Variants in CLK3 observed in about 807,000 individuals in gnomAD.
CLK3 encodes the protein CDC like kinase 3.
In CLK3, 24 loss-of-function variants were observed where a neutral mutation model predicts 65.2. The ratio of observed to expected loss-of-function variants is 0.37; its 90% CI spans 0.27 to 0.52. The LOEUF (loss-of-function observed/expected upper bound fraction) is 0.52, where lower values mean the gene tolerates loss of function less well. Ranked by LOEUF, CLK3 falls within the 20% of genes least tolerant of loss-of-function variation. CLK3 has a pLI of 0.92. For missense variants in CLK3, 506 were observed against 660.0 expected (o/e 0.77, Z 2.56); for synonymous variants, 252 against 240.8 (o/e 1.05, Z -0.43).
upstream of CLK3, chr15:74,615,205 G>GAAGCC: frequency 2.5e-6 from 1 of 393,664 alleles, no homozygotes; most frequent in Non-Finnish European, 4.5e-6. Context: ...CACAGGAGGG[G>GAAGCC]GCTCAAGGAG....
upstream of CLK3, among the ~76,000 whole-genome samples, chr15:74,613,831 C>A (rs982538412): frequency 4.6e-5 from 7 of 152,130 alleles, no homozygotes; most frequent in Non-Finnish European, 1.0e-4. Context: ...TCCTACTCCA[C>A]CTCATCTGAG....
Position 74,628,057 on chromosome 15 carries a change from A to G in CLK3, c.1125+5A>G, listed in dbSNP as rs1344432302. The stretch of plus-strand genomic sequence containing the variant: ...CGGGGCTTCACACTCTTCCAGGTAC[A>G]GCCACCCTGCATTGGTCCCCTACCC... On this transcript the variant is annotated splice_donor_5th_base_variant and intron_variant, in intron 10 of 12. Coordinates refer to ENST00000395066, the MANE Select transcript of CLK3 (RefSeq NM_001130028.2). The G allele has an allele frequency of 6.2e-7, 1 of 1,601,930 alleles. No individual in the cohort carries two copies. The highest frequency in any genetic ancestry group is 1.1e-5 in the South Asian group (1 of 90,836).
At chr15:74,619,630 T>G (rs2062085697) in intron 2 of CLK3, among the ~76,000 whole-genome samples, 1 of 152,210 alleles carries the variant, frequency 6.6e-6, no homozygotes, top group African/African-American at 2.4e-5. Context: ...TCCTAAGCCT[T>G]CCTTGGTGAG....
In CLK3 at chr15:74,615,908, G is replaced by A; in HGVS notation, c.-1+10G>A. The A allele has an allele frequency of 1.6e-6, 2 of 1,249,738 alleles. No homozygotes were observed. Among genetic ancestry groups the A allele is most frequent in the South Asian group, 6.9e-5 (2 of 28,908 alleles). 77.4% of individuals were successfully genotyped at this position (1,249,738 alleles called of 1,614,324 possible). A position where few individuals can be genotyped will look rare whatever the true frequency, so the allele number is the denominator to read the frequency against. ...CGGAGCCTGGGAGACGGTAAGTGTG[G>A]GCTGGGGTCCGCGGCGGCGACAGCG... On this transcript the variant is annotated intron_variant, in intron 1 of 12. Coordinates refer to ENST00000395066, the MANE Select transcript of CLK3 (RefSeq NM_001130028.2).
At chr15:74,615,564 G>C, upstream of CLK3, 1 of 1,268,610 alleles carries the variant, frequency 7.9e-7, no homozygotes. Flanking sequence ...TCGGCTCTGA[G>C]AGCCCAGCCG....
At chr15:74,609,240 T>TG (rs2141520486) in intron 1 of CLK3, among the ~76,000 whole-genome samples, 1 of 152,242 alleles carries the variant, frequency 6.6e-6, no homozygotes, top group African/African-American at 2.4e-5. Context: ...CCACTTCCTC[T>TG]GGGTCTCAGC....
Position 74,628,629 on chromosome 15 carries a change from T to C in CLK3, c.1151T>C (p.Val384Ala). 2 of 1,613,598 alleles carry C rather than the reference T, an allele frequency of 1.2e-6. No individual in the cohort carries two copies. Among genetic ancestry groups the C allele is most frequent in the Non-Finnish European group, 1.7e-6 (2 of 1,179,716 alleles). Residue 384 changes from valine (V) to alanine (A), a missense_variant, in exon 11 of 13, where the codon GTG becomes GCG. Val to Ala is a moderately conservative substitution (Grantham distance 64). Coordinates refer to ENST00000395066, the MANE Select transcript of CLK3 (RefSeq NM_001130028.2). Reference protein sequence around the residue: ...FQTHENREHLVMMEKILGPIP... With the variant: ...FQTHENREHLAMMEKILGPIP... ...ACCCACGAAAACCGAGAGCACCTGG[T>C]GATGATGGAGAAGATCCTAGGGCCC...
upstream of CLK3, among the ~76,000 whole-genome samples, chr15:74,611,452 G>A (rs1403246397): frequency 2.0e-5 from 3 of 152,224 alleles, no homozygotes; most frequent in African/African-American, 4.8e-5. Context: ...TTGTGCTCCC[G>A]CCTCTGCAGC....
upstream of CLK3, chr15:74,615,774 C>T: frequency 2.4e-6 from 3 of 1,243,214 alleles, no homozygotes; most frequent in Non-Finnish European, 3.0e-6. Context: ...CGGGTCGAGC[C>T]GAGGCTGGCG....
In CLK3 at chr15:74,624,881, T is replaced by C. The variant is rs995448984; in HGVS notation, c.534-21T>C. On this transcript the variant is annotated intron_variant, in intron 5 of 12. Transcript: ENST00000395066. This position sits in a 1 kb window ranked among gnomAD's most constrained non-coding sequence, Gnocchi z 4.2. ...CTGGGCAGCTGCTGATGAGAACCTC[T>C]GTTTCCTTCCCGGGTACCAGAGGGA... 1.9e-6 allele frequency: 3 copies of C among 1,574,682 alleles called. No homozygotes were observed. The highest frequency in any genetic ancestry group is 2.3e-5 in the East Asian group (1 of 44,190).
chr15:74,615,739 G>C, upstream of CLK3: 1 of 1,239,128 alleles, frequency 8.1e-7, no homozygotes, highest in Non-Finnish European at 1.0e-6. Context: ...TCGAGTCGGG[G>C]GCTAGAGCGG....
chr15:74,622,257 A>AC lies in CLK3; in HGVS notation c.466+47dup. 1 of 1,572,944 alleles carries AC rather than the reference A, an allele frequency of 6.4e-7. No homozygotes were observed. Among genetic ancestry groups the AC allele is most frequent in the African/African-American group, 1.4e-5 (1 of 73,532 alleles). On this transcript the variant is annotated intron_variant, in intron 4 of 12. Coordinates refer to ENST00000395066, the MANE Select transcript of CLK3 (RefSeq NM_001130028.2). This position sits in a 1 kb window ranked among gnomAD's most constrained non-coding sequence, Gnocchi z 4.6. Reference sequence around the variant, plus strand: ...GTAAAACTTTACCTCTCTACTTTCTACCCCCCTTGTTAGACGAGACCTCTC... The same window carrying AC: ...GTAAAACTTTACCTCTCTACTTTCTACCCCCCCTTGTTAGACGAGACCTCTC...
chr15:74,619,113 G>T lies in CLK3; in HGVS notation c.1-84G>T, dbSNP rs552552363. 1.0e-5 allele frequency: 16 copies of T among 1,555,528 alleles called. No homozygotes were observed. In the South Asian group the frequency reaches 1.8e-4, roughly 18 times the overall value. On this transcript the variant is annotated intron_variant, in intron 1 of 12. Transcript: ENST00000395066. ...CAAACAGAACAATGGGCCTCTTCAG[G>T]AGCAACCGGGAAGCCCCAGCAGCCC...
chr15:74,612,619 C>A (rs560481127), upstream of CLK3, among the ~76,000 whole-genome samples: 3 of 152,154 alleles, frequency 2.0e-5, no homozygotes, highest in Non-Finnish European at 4.4e-5. Context: ...CATTCCCAGG[C>A]CTTCTCCACT....
At chr15:74,626,597 C>T (rs1406684209) in intron 7 of CLK3, among the ~76,000 whole-genome samples, 1 of 152,232 alleles carries the variant, frequency 6.6e-6, no homozygotes, top group African/African-American at 2.4e-5. Context: ...TCTTCCTCCT[C>T]CCACAGGATC....
At chr15:74,626,099 C>G in intron 7 of CLK3, 131 bp downstream of exon 7, 1 of 1,071,914 alleles carries the variant, frequency 9.3e-7, no homozygotes, top group East Asian at 2.5e-5. Flanking sequence ...ACCAGATCCC[C>G]TTTGGCGGAA....
Position 74,627,261 on chromosome 15 carries a change from G to A in CLK3, c.818-91G>A. The A allele has an allele frequency of 1.0e-6, 1 of 995,244 alleles. No individual in the cohort carries two copies. Among genetic ancestry groups the A allele is most frequent in the East Asian group, 2.4e-5 (1 of 42,058 alleles). 61.7% of individuals were successfully genotyped at this position (995,244 alleles called of 1,614,324 possible). Reference sequence around the variant, plus strand: ...GGTGGGGGTGTGAGGACCTCTGGCAGTTGCTGGCATTGGAAGAGGGGTCTG... The same window carrying A: ...GGTGGGGGTGTGAGGACCTCTGGCAATTGCTGGCATTGGAAGAGGGGTCTG... On this transcript the variant is annotated intron_variant, in intron 7 of 12. Transcript: ENST00000395066. This position sits in a 1 kb window ranked among gnomAD's most constrained non-coding sequence, Gnocchi z 4.3.
intron 12 of CLK3, 29 bp downstream of exon 12, chr15:74,629,061 T>G: frequency 6.5e-7 from 1 of 1,539,384 alleles, no homozygotes; most frequent in Non-Finnish European, 9.0e-7. Context: ...CCAGCTGAAC[T>G]CATGCCAAGG....
rs2062176070 is a variant in CLK3, at chr15:74,629,545, G to A, written c.1297-162G>A. ...GCAAAACGTTAAACAGGCATGAAAG[G>A]AAAGGAGCTGCTCATTGTCCAGGAG... is the stretch of plus-strand genomic sequence containing the variant. On this transcript the variant is annotated intron_variant, in intron 12 of 12. Transcript: ENST00000395066. 5.7e-5 allele frequency: 35 copies of A among 613,026 alleles called. 2 individuals carry two copies. The South Asian group carries it at 6.9e-4, about 12-fold the overall frequency. 38.0% of individuals were successfully genotyped at this position (613,026 alleles called of 1,614,324 possible). A position where few individuals can be genotyped will look rare whatever the true frequency, so the allele number is the denominator to read the frequency against.
Sources: allele counts gnomAD v4.1 joint callset (sites outside exome capture counted in the v4.1 genomes callset), GRCh38; gene constraint gnomAD v4.1.1; non-coding constraint Gnocchi (gnomAD v3.1); transcripts MANE v1.5; gene names NCBI Gene and HGNC (gene_info 2026-07-23, HGNC 2026-07-21).